The following SEPTIN9 variants were observed in gnomAD, a reference collection of about 807,000 sequenced individuals.
The protein encoded by SEPTIN9 is septin-9.
Under a neutral mutation model 56.6 loss-of-function variants are expected in SEPTIN9, and 13 were observed. The observed-to-expected ratio is 0.23, with a 90% CI of 0.15 to 0.37. The LOEUF (loss-of-function observed/expected upper bound fraction) is 0.37, where lower values mean the gene tolerates loss of function less well. Among genes scored for constraint, SEPTIN9 ranks in the 10% least tolerant of loss-of-function variants. The pLI, the probability that SEPTIN9 is intolerant of heterozygous loss-of-function variation, is 1.00. For missense variants in SEPTIN9, 650 were observed against 823.1 expected (o/e 0.79, Z 2.57); for synonymous variants, 332 against 334.1 (o/e 0.99, Z 0.07).
intron 2 of SEPTIN9, chr17:77,373,747 C>G: frequency 8.7e-7 from 1 of 1,150,752 alleles, no homozygotes; most frequent in East Asian, 3.2e-5. Context: ...CGTGGGGGAC[C>G]CTGTTAGGGG....
At chr17:77,302,257 G>A (rs1022929022) in intron 1 of SEPTIN9, among the ~76,000 whole-genome samples, 1 of 152,100 alleles carries the variant, frequency 6.6e-6, no homozygotes, top group African/African-American at 2.4e-5. Context: ...GAGACCAGGA[G>A]TTTGAGACCA....
At chr17:77,472,254 G>A (rs1486536308) in intron 3 of SEPTIN9, among the ~76,000 whole-genome samples, 2 of 152,186 alleles carry the variant, frequency 1.3e-5, no homozygotes, top group African/African-American at 4.8e-5. Flanking sequence ...TTTACCGACT[G>A]GGGCCAATTG....
intron 2 of SEPTIN9, among the ~76,000 whole-genome samples, chr17:77,391,715 TGG>T (rs1414764714): frequency 6.6e-6 from 1 of 152,244 alleles, no homozygotes; most frequent in Non-Finnish European, 1.5e-5. Context: ...TAGCAGATTC[TGG>T]AGGTTCCTTG....
chr17:77,458,569 G>A (rs762098659), intron 3 of SEPTIN9, among the ~76,000 whole-genome samples: 2 of 152,200 alleles, frequency 1.3e-5, no homozygotes, highest in Non-Finnish European at 2.9e-5. Flanking sequence ...GGATAATGAT[G>A]GTTACCATGT....
In SEPTIN9 at chr17:77,488,831, G is replaced by T; in HGVS notation, c.1229G>T (p.Cys410Phe). ...KKRIPDTRVH[C>F]CLYFIPATGH... ...CGCATCCCGGACACCCGCGTCCACT[G>T]CTGCCTCTACTTCATCCCCGCCACC... The change falls in exon 7 of 12, where the codon TGC (cysteine) becomes TTC (phenylalanine). Residue 410 changes from cysteine (C) to phenylalanine (F), a missense_variant. Cys to Phe is a radical substitution (Grantham distance 205, BLOSUM62 -2). Around this residue, in one of 2 missense-constraint regions of SEPTIN9, gnomAD observed 333 missense variants for 494.0 expected, o/e 0.67. Transcript: ENST00000427177. 6.2e-7 allele frequency: 1 copy of T among 1,613,716 alleles called. No homozygotes were observed.
Position 77,353,225 on chromosome 17 carries a change from T to C in SEPTIN9, c.76+46028T>C, listed in dbSNP as rs2034119284. ...CGTGGCAAGAGGGCTTGTGTTCACGTCAGAGATTCCAGAAGGAGACTGGAT... is the reference window on the plus strand; with the variant it reads ...CGTGGCAAGAGGGCTTGTGTTCACGCCAGAGATTCCAGAAGGAGACTGGAT... On this transcript the variant is annotated intron_variant, in intron 2 of 11. Transcript: ENST00000427177. 2.0e-5 allele frequency among the ~76,000 whole-genome samples: 3 copies of C among 152,076 alleles called. 1 individual carries two copies. Among genetic ancestry groups the C allele is most frequent in the African/African-American group, 7.2e-5 (3 of 41,394 alleles).
intron 2 of SEPTIN9, among the ~76,000 whole-genome samples, chr17:77,316,909 C>T (rs2032732964): frequency 6.6e-6 from 1 of 152,004 alleles, no homozygotes; most frequent in South Asian, 2.1e-4. Context: ...TGTTTCTAAA[C>T]TCAATACAAA....
intron 1 of SEPTIN9, among the ~76,000 whole-genome samples, chr17:77,289,811 A>G (rs531561526): frequency 1.3e-5 from 2 of 152,276 alleles, no homozygotes; most frequent in Non-Finnish European, 2.9e-5. Context: ...TTTCTGTATT[A>G]CTTATTGCCA....
Position 77,440,353 on chromosome 17 carries a change from C to T in SEPTIN9, c.721+37650C>T, listed in dbSNP as rs151320778. On this transcript the variant is annotated intron_variant, in intron 3 of 11. Coordinates refer to ENST00000427177, the MANE Select transcript of SEPTIN9 (RefSeq NM_001113491.2). The stretch of plus-strand genomic sequence containing the variant: ...TATTTTTAGTAGAGATGGGGTTTCA[C>T]CAAGTTGGCCAGGCTGGTCTCGAAC... Among the ~76,000 whole-genome samples the T allele has an allele frequency of 3.2e-3, 481 of 152,212 alleles. 1 individual carries two copies. The highest frequency in any genetic ancestry group is 0.011 in the African/African-American group (448 of 41,538).
chr17:77,416,818 C>G (rs1465000904), intron 3 of SEPTIN9, among the ~76,000 whole-genome samples: 4 of 152,200 alleles, frequency 2.6e-5, no homozygotes, highest in Non-Finnish European at 4.4e-5. Context: ...CTCCCAGTCA[C>G]CTCATCCCTT....
chr17:77,395,958 C>G (rs1156674405), intron 2 of SEPTIN9, among the ~76,000 whole-genome samples: 1 of 152,086 alleles, frequency 6.6e-6, no homozygotes, highest in Non-Finnish European at 1.5e-5. Flanking sequence ...GGATAAATTC[C>G]CAGAAGTGGG....
At chr17:77,414,557 C>T (rs1015109399) in intron 3 of SEPTIN9, among the ~76,000 whole-genome samples, 1 of 148,392 alleles carries the variant, frequency 6.7e-6, no homozygotes, top group Non-Finnish European at 1.5e-5. Flanking sequence ...TATTTCCTTC[C>T]TATCTGTGTG....
chr17:77,281,504 A>T lies in SEPTIN9; in HGVS notation c.-32A>T. ...GCGCGCCCCGCTGCCTCGCCGCCACACTTTCCTGGGAGCGGCGGCCACGGA... is the reference window on the plus strand; with the variant it reads ...GCGCGCCCCGCTGCCTCGCCGCCACTCTTTCCTGGGAGCGGCGGCCACGGA... On this transcript the variant is annotated 5_prime_UTR_variant, in exon 1 of 12. Transcript: ENST00000427177. The T allele has an allele frequency of 6.5e-7, 1 of 1,545,840 alleles. No individual in the cohort carries two copies. The highest frequency in any genetic ancestry group is 2.5e-5 in the East Asian group (1 of 40,432).
chr17:77,391,320 A>G (rs1429067470), intron 2 of SEPTIN9, among the ~76,000 whole-genome samples: 1 of 152,116 alleles, frequency 6.6e-6, no homozygotes, highest in African/African-American at 2.4e-5. Flanking sequence ...TTGCTGTAAC[A>G]GAGTGCCACA....
At chr17:77,467,794 C>A (rs924196971) in intron 3 of SEPTIN9, among the ~76,000 whole-genome samples, 1 of 152,176 alleles carries the variant, frequency 6.6e-6, no homozygotes, top group African/African-American at 2.4e-5. Context: ...CCGTGGCTGC[C>A]CCCATGCTGG....
intron 2 of SEPTIN9, among the ~76,000 whole-genome samples, chr17:77,312,934 G>A (rs2068556606): frequency 6.6e-6 from 1 of 152,216 alleles, no homozygotes; most frequent in Admixed American, 6.5e-5. Flanking sequence ...ACATGTGGCT[G>A]CCATATTGAC....
chr17:77,414,420 A>G (rs1458619300), intron 3 of SEPTIN9, among the ~76,000 whole-genome samples: 1 of 152,174 alleles, frequency 6.6e-6, no homozygotes, highest in African/African-American at 2.4e-5. Context: ...CAGTCTATTC[A>G]GAGAGTAGTG....
intron 2 of SEPTIN9, among the ~76,000 whole-genome samples, chr17:77,386,716 G>T (rs74000225): frequency 2.0e-4 from 31 of 152,352 alleles, no homozygotes; most frequent in Non-Finnish European, 2.9e-4. Context: ...GCCCCAGGGG[G>T]CTGGGGGAAA....
intron 2 of SEPTIN9, among the ~76,000 whole-genome samples, chr17:77,322,306 A>G (rs1910113566): frequency 2.0e-5 from 3 of 152,178 alleles, no homozygotes; most frequent in Admixed American, 6.5e-5. Flanking sequence ...TGCCCCAGAG[A>G]CCACTCTGAT....
Sources: allele counts gnomAD v4.1 joint callset (sites outside exome capture counted in the v4.1 genomes callset), GRCh38; gene constraint gnomAD v4.1.1; regional missense constraint gnomAD v4.1.1; transcripts MANE v1.5; gene names NCBI Gene and HGNC (gene_info 2026-07-23, HGNC 2026-07-21).